Variants in SGCZ observed in about 807,000 individuals in gnomAD.
SGCZ encodes zeta-sarcoglycan.
A neutral mutation model predicts 41.3 loss-of-function variants in SGCZ; 40 were observed. The observed-to-expected ratio is 0.97, with a 90% confidence interval of 0.75 to 1.26. SGCZ has a LOEUF of 1.26. Among genes scored for constraint, SGCZ ranks in the 50% most tolerant of loss-of-function variants. The probability of loss-of-function intolerance (pLI) is 0.00; values close to 1 mark genes in which losing one functional copy is unlikely to be tolerated. For synonymous variants in SGCZ, 206 were observed against 137.5 expected (o/e 1.50, Z -3.49); for missense variants, 552 against 369.8 (o/e 1.49, Z -4.04).
At chr8:14,538,502 T>C (rs1417272401) in intron 2 of SGCZ, among the ~76,000 whole-genome samples, 3 of 151,978 alleles carry the variant, frequency 2.0e-5, no homozygotes, top group African/African-American at 7.2e-5. Flanking sequence ...GGCCCTCTTC[T>C]AGGGTTTCTG....
At chr8:15,057,391 C>T (rs1253863199) in intron 1 of SGCZ, among the ~76,000 whole-genome samples, 6 of 152,134 alleles carry the variant, frequency 3.9e-5, no homozygotes, top group African/African-American at 1.4e-4. Context: ...CAAACACAGT[C>T]TTTCTATGAA....
At chr8:14,546,299 T>C (rs771806117) in intron 2 of SGCZ, among the ~76,000 whole-genome samples, 8 of 152,062 alleles carry the variant, frequency 5.3e-5, no homozygotes, top group African/African-American at 9.7e-5. Flanking sequence ...GAGGAATGAA[T>C]TCGGAAAATG....
At chr8:15,082,084 C>T (rs1805772033) in intron 1 of SGCZ, among the ~76,000 whole-genome samples, 1 of 151,964 alleles carries the variant, frequency 6.6e-6, no homozygotes, top group Admixed American at 6.6e-5. Context: ...CAAAAATTAG[C>T]TGGGCATGAT....
intron 1 of SGCZ, among the ~76,000 whole-genome samples, chr8:14,863,470 A>G (rs2130685151): frequency 6.6e-6 from 1 of 152,132 alleles, no homozygotes; most frequent in Non-Finnish European, 1.5e-5. Context: ...GACTACAGGT[A>G]CTCACCACTA....
intron 1 of SGCZ, among the ~76,000 whole-genome samples, chr8:15,081,178 A>AT (rs1172285294): frequency 6.6e-6 from 1 of 152,074 alleles, no homozygotes; most frequent in African/African-American, 2.4e-5. Context: ...AAGACACTAA[A>AT]TTTTTTTAGG....
At chr8:14,433,900 C>T (rs1440116516) in intron 2 of SGCZ, among the ~76,000 whole-genome samples, 2 of 152,158 alleles carry the variant, frequency 1.3e-5, no homozygotes, top group African/African-American at 2.4e-5. Flanking sequence ...CATAGGAATG[C>T]TACATTTTCT....
chr8:15,057,119 G>A (rs994744853), intron 1 of SGCZ, among the ~76,000 whole-genome samples: 14 of 152,344 alleles, frequency 9.2e-5, no homozygotes, highest in Middle Eastern at 6.8e-3. Flanking sequence ...TGTGTGGGCC[G>A]ATCAGCACTA....
chr8:14,557,263 C>T (rs1447063675), intron 1 of SGCZ, among the ~76,000 whole-genome samples: 2 of 142,780 alleles, frequency 1.4e-5, no homozygotes, highest in African/African-American at 5.2e-5. Flanking sequence ...ATGTCCTTAC[C>T]CACTTTTTGA....
At chr8:14,424,619 G>A (rs543110796) in intron 2 of SGCZ, among the ~76,000 whole-genome samples, 5 of 132,358 alleles carry the variant, frequency 3.8e-5, no homozygotes, top group African/African-American at 1.7e-4. Flanking sequence ...AACAGCTTTT[G>A]TTGTCATTTT....
chr8:14,595,243 C>A (rs1254043626), intron 1 of SGCZ, among the ~76,000 whole-genome samples: 1 of 152,118 alleles, frequency 6.6e-6, no homozygotes, highest in Non-Finnish European at 1.5e-5. Flanking sequence ...AGATTAAATA[C>A]AAGTCATTTC....
intron 1 of SGCZ, among the ~76,000 whole-genome samples, chr8:14,967,795 C>G (rs1801168680): frequency 6.6e-6 from 1 of 152,064 alleles, no homozygotes; most frequent in South Asian, 2.1e-4. Context: ...AGTAGACATT[C>G]AAGGAAAACT....
At chr8:14,590,200 T>A (rs992771433) in intron 1 of SGCZ, among the ~76,000 whole-genome samples, 1 of 152,090 alleles carries the variant, frequency 6.6e-6, no homozygotes, top group Admixed American at 6.6e-5. Flanking sequence ...AAAATAGATT[T>A]AAATATCTTA....
intron 2 of SGCZ, among the ~76,000 whole-genome samples, chr8:14,396,416 T>C (rs186957995): frequency 1.3e-5 from 2 of 152,286 alleles, no homozygotes; most frequent in East Asian, 3.9e-4. Flanking sequence ...TGATACCTAA[T>C]CCTCATGGAA....
chr8:14,819,346 C>T (rs1177134538), intron 1 of SGCZ, among the ~76,000 whole-genome samples: 1 of 152,032 alleles, frequency 6.6e-6, no homozygotes, highest in African/African-American at 2.4e-5. Flanking sequence ...GGACAGTTTT[C>T]CTGGAAATAG....
chr8:14,998,725 A>G (rs574676371), intron 1 of SGCZ, among the ~76,000 whole-genome samples: 1 of 152,320 alleles, frequency 6.6e-6, no homozygotes, highest in African/African-American at 2.4e-5. Context: ...TAGAGTTGCA[A>G]TGCTTGCATA....
chr8:14,975,651 T>A (rs943714873), intron 1 of SGCZ, among the ~76,000 whole-genome samples: 1 of 152,106 alleles, frequency 6.6e-6, no homozygotes, highest in African/African-American at 2.4e-5. Context: ...TAGGACTCAG[T>A]GTATATCTCA....
intron 1 of SGCZ, among the ~76,000 whole-genome samples, chr8:14,833,731 G>T (rs1396758382): frequency 6.6e-6 from 1 of 152,052 alleles, no homozygotes; most frequent in East Asian, 1.9e-4. Context: ...AGTTGGGGGT[G>T]GTTGGAGCAA....
At chr8:15,113,162 T>C (rs976035924) in intron 1 of SGCZ, among the ~76,000 whole-genome samples, 6 of 146,454 alleles carry the variant, frequency 4.1e-5, no homozygotes, top group Admixed American at 1.4e-4. Flanking sequence ...TGAGCCATAA[T>C]CACGCCACTG....
At chr8:15,023,839 C>G (rs1322875519) in intron 1 of SGCZ, among the ~76,000 whole-genome samples, 2 of 152,092 alleles carry the variant, frequency 1.3e-5, no homozygotes, top group African/African-American at 4.8e-5. Flanking sequence ...AGTGATCTAC[C>G]ATTTTTCAAA....
Sources: gnomAD v4.1 joint callset for allele counts (sites outside exome capture counted in the v4.1 genomes callset) on GRCh38, gnomAD v4.1.1 for gene constraint, MANE v1.5 for transcripts, NCBI Gene and HGNC (gene_info 2026-07-23, HGNC 2026-07-21) for gene names.